The following PAK6 variants were observed in gnomAD, a reference collection of about 807,000 sequenced individuals.
The protein encoded by PAK6 is p21 (RAC1) activated kinase 6.
In PAK6, 33 loss-of-function variants were observed where a neutral mutation model predicts 60.8. The ratio of observed to expected loss-of-function variants is 0.54; its 90% CI spans 0.41 to 0.73. The LOEUF (loss-of-function observed/expected upper bound fraction) is 0.73, where lower values mean the gene tolerates loss of function less well. Among genes scored for constraint, PAK6 ranks in the 30% least tolerant of loss-of-function variants. The probability of loss-of-function intolerance (pLI) is 0.00; values close to 1 mark genes in which losing one functional copy is unlikely to be tolerated. For synonymous variants in PAK6, 404 were observed against 378.5 expected, an observed-to-expected ratio of 1.07 and a Z score of -0.78; for missense variants, 845 against 904.1, an observed-to-expected ratio of 0.93 and a Z score of 0.84.
In PAK6 at chr15:40,276,446, A is replaced by C. The variant is rs34276379; in HGVS notation, c.*352A>C. 498 of 222,396 alleles carry C rather than the reference A, an allele frequency of 2.2e-3. 2 individuals carry two copies. Among genetic ancestry groups the C allele is most frequent in the Non-Finnish European group, 3.8e-3 (434 of 113,312 alleles). The allele number at this position is 222,396 out of a possible 1,614,324, so 13.8% of individuals were successfully genotyped here. A position where few individuals can be genotyped will look rare whatever the true frequency, so the allele number is the denominator to read the frequency against. ...AAAGGCAGTTGTCCACTAGTGTCCT[A>C]GGCCACTGCAGAGGGCAGACTGCTG... On this transcript the variant is annotated 3_prime_UTR_variant, in exon 11 of 11. Transcript: ENST00000560346.
Position 40,261,335 on chromosome 15 carries a change from G to A in PAK6, c.-5-3446G>A, listed in dbSNP as rs563014730. On this transcript the variant is annotated intron_variant, in intron 3 of 10. Transcript: ENST00000560346. The stretch of plus-strand genomic sequence containing the variant: ...GGGTGGATCATGAAGTCAAGAGATC[G>A]AGACCATCCTGGCCAACATGGTGAA... Among the ~76,000 whole-genome samples the A allele has an allele frequency of 2.1e-3, 322 of 151,502 alleles. 2 individuals are homozygous for A. Among genetic ancestry groups the A allele is most frequent in the Admixed American group, 3.5e-3 (53 of 15,234 alleles).
intron 2 of PAK6, chr15:40,252,025 T>C (rs928701472): frequency 4.6e-5 from 10 of 219,056 alleles, no homozygotes; most frequent in Non-Finnish European, 9.2e-5. Context: ...GACTCAGGAC[T>C]GCGCAAGGGC....
intron 3 of PAK6, among the ~76,000 whole-genome samples, chr15:40,255,704 G>A (rs762023168): frequency 1.3e-5 from 2 of 152,224 alleles, no homozygotes; most frequent in Non-Finnish European, 2.9e-5. Flanking sequence ...CCCAGTAGAG[G>A]CTGAGGTGAG....
intron 2 of PAK6, among the ~76,000 whole-genome samples, chr15:40,249,074 G>A (rs1263178904): frequency 1.3e-5 from 2 of 152,188 alleles, no homozygotes; most frequent in African/African-American, 4.8e-5. Context: ...CAGATCCGGT[G>A]TCTGGTGAGG....
chr15:40,273,823 G>A (rs2039377168), intron 9 of PAK6, 147 bp downstream of exon 9: 3 of 980,078 alleles, frequency 3.1e-6, no homozygotes, highest in African/African-American at 3.3e-5. Context: ...TTTCGATGGG[G>A]CTGCTCTTAC....
Position 40,273,534 on chromosome 15 carries a change from T to G in PAK6, c.1618-17T>G, listed in dbSNP as rs200620273. 6.0e-4 allele frequency: 966 copies of G among 1,613,732 alleles called. 1 individual carries two copies. The highest frequency in any genetic ancestry group is 4.6e-3 in the Middle Eastern group (28 of 6,082). On this transcript the variant is annotated splice_polypyrimidine_tract_variant and intron_variant, in intron 8 of 10. Coordinates refer to ENST00000560346, the Ensembl canonical transcript of PAK6. ...CACTTCCTCCTGATCCACCACTCAC[T>G]CCCTTTTCAACCGCAGGTGAAGCTC... is the stretch of plus-strand genomic sequence containing the variant.
At chr15:40,275,279 G>GTTTTTTTTTTTTTTTTT (rs1491294097) in intron 10 of PAK6, among the ~76,000 whole-genome samples, 1 of 13,712 alleles carries the variant, frequency 7.3e-5, no homozygotes, top group Non-Finnish European at 1.7e-4. Flanking sequence ...TGTTGTTGTT[G>GTTTTTTTTTTTTTTTTT]GTTTTTTTTT....
chr15:40,264,732 G>C, intron 3 of PAK6, 49 bp from the exon 4 acceptor site: 2 of 1,555,446 alleles, frequency 1.3e-6, no homozygotes, highest in Non-Finnish European at 1.8e-6. Context: ...CCCTGCTGCA[G>C]CCACCCCTCT....
chr15:40,255,401 A>G (rs2038807784), intron 3 of PAK6, among the ~76,000 whole-genome samples: 1 of 152,132 alleles, frequency 6.6e-6, no homozygotes, highest in Non-Finnish European at 1.5e-5. Context: ...CCCATGCTGC[A>G]TCTGTCTGGG....
intron 3 of PAK6, among the ~76,000 whole-genome samples, chr15:40,261,296 T>G (rs1353023809): frequency 6.6e-6 from 1 of 151,762 alleles, no homozygotes; most frequent in Non-Finnish European, 1.5e-5. Context: ...CCCAGCACTT[T>G]GGGAGGCTGA....
chr15:40,239,447 C>T lies in PAK6; in HGVS notation c.-556C>T, dbSNP rs147797741. On this transcript the variant is annotated 5_prime_UTR_variant, in exon 1 of 11. Transcript: ENST00000560346. Reference sequence around the variant, plus strand: ...TTTGGGAGCTGGAAACTTGGAGCTGCACCTGAGTCCCGCCCCTTCTAGCTC... The same window carrying T: ...TTTGGGAGCTGGAAACTTGGAGCTGTACCTGAGTCCCGCCCCTTCTAGCTC... 681 of 152,750 alleles carry T rather than the reference C, an allele frequency of 4.5e-3. 3 individuals are homozygous for T. The highest frequency in any genetic ancestry group is 6.7e-3 in the Non-Finnish European group (455 of 68,356). 9.5% of individuals were successfully genotyped at this position (152,750 alleles called of 1,614,324 possible). A position where few individuals can be genotyped will look rare whatever the true frequency, so the allele number is the denominator to read the frequency against.
At chr15:40,264,391 C>T in intron 3 of PAK6, 1 of 462,192 alleles carries the variant, frequency 2.2e-6, no homozygotes, top group South Asian at 1.6e-5. Flanking sequence ...TTTCATAAAA[C>T]AAGCTTGCTA....
Position 40,265,831 on chromosome 15 carries a change from T to C in PAK6, c.205-11T>C. On this transcript the variant is annotated splice_polypyrimidine_tract_variant and intron_variant, in intron 4 of 10. Transcript: ENST00000560346. ...GCAGCTCCCACACACTCTTTTCTCT[T>C]CCCCCTACAGACAGTGGTGCGGGGC... The C allele has an allele frequency of 6.6e-7, 1 of 1,507,000 alleles. No homozygotes were observed. The highest frequency in any genetic ancestry group is 8.9e-7 in the Non-Finnish European group (1 of 1,126,620). 93.4% of individuals were successfully genotyped at this position (1,507,000 alleles called of 1,614,324 possible). A position where few individuals can be genotyped will look rare whatever the true frequency, so the allele number is the denominator to read the frequency against.
chr15:40,241,739 G>A (rs774874743), intron 2 of PAK6, among the ~76,000 whole-genome samples: 59 of 152,286 alleles, frequency 3.9e-4, no homozygotes, highest in Admixed American at 1.2e-3. Flanking sequence ...GGGCCCTCCC[G>A]GACTTGCCAG....
intron 2 of PAK6, among the ~76,000 whole-genome samples, chr15:40,248,239 G>A (rs77931171): frequency 0.029 from 4,432 of 152,288 alleles, 250 homozygotes; most frequent in East Asian, 0.21. Flanking sequence ...CCAGATGCTC[G>A]GAGGTTCAGA....
chr15:40,244,291 A>C (rs2038437640), intron 2 of PAK6, among the ~76,000 whole-genome samples: 1 of 139,682 alleles, frequency 7.2e-6, no homozygotes, highest in Admixed American at 7.2e-5. Context: ...GGATCGTGCC[A>C]CTGCACTCCA....
At chr15:40,267,028 A>T (rs1362747909) in intron 5 of PAK6, 2 of 152,986 alleles carry the variant, frequency 1.3e-5, no homozygotes, top group Non-Finnish European at 2.9e-5. Context: ...ATGGAGAGTG[A>T]GTCAGAGAAG....
chr15:40,274,072 C>A (rs973101639), intron 9 of PAK6, 70 bp from the exon 10 acceptor site: 1 of 1,577,372 alleles, frequency 6.3e-7, no homozygotes, highest in Non-Finnish European at 8.7e-7. Context: ...TCCACCACTG[C>A]TGCCACCAGA....
At chr15:40,262,367 G>T (rs2039005668) in intron 3 of PAK6, among the ~76,000 whole-genome samples, 1 of 152,164 alleles carries the variant, frequency 6.6e-6, no homozygotes, top group African/African-American at 2.4e-5. Flanking sequence ...AGCCGGGTAT[G>T]TTGGTGGGTG....
Sources: allele counts gnomAD v4.1 joint callset (sites outside exome capture counted in the v4.1 genomes callset), GRCh38; gene constraint gnomAD v4.1.1; transcripts MANE v1.5; gene names NCBI Gene and HGNC (gene_info 2026-07-23, HGNC 2026-07-21).